Variants in PPT2 observed in about 807,000 individuals in gnomAD.
The protein encoded by PPT2 is lysosomal thioesterase PPT2.
PPT2 carries 20 observed loss-of-function variants against 37.3 expected under a neutral mutation model. The observed-to-expected ratio is 0.54, with a 90% CI of 0.38 to 0.78. The LOEUF (loss-of-function observed/expected upper bound fraction) is 0.78, where lower values mean the gene tolerates loss of function less well. PPT2 is among the 30% of genes least tolerant of loss of function. The pLI, the probability that PPT2 is intolerant of heterozygous loss-of-function variation, is 0.00. For synonymous variants in PPT2, 135 were observed against 159.1 expected (o/e 0.85, Z 1.14); for missense variants, 270 against 389.8 (o/e 0.69, Z 2.59).
chr6:32,154,396 T>C lies in PPT2; in HGVS notation c.-17T>C. On this transcript the variant is annotated 5_prime_UTR_variant, in exon 1 of 9. Transcript: ENST00000324816. The surrounding 1 kb of genome is among the most constrained non-coding windows in gnomAD (Gnocchi z 7.3). ...GCTGAGTTGGAGGCGGGACTTCGGG[T>C]GCGCGTTGGTGCGTCAACGTGGTGG... The C allele has an allele frequency of 7.0e-7, 1 of 1,436,640 alleles. No homozygotes were observed. The highest frequency in any genetic ancestry group is 9.1e-7 in the Non-Finnish European group (1 of 1,100,514). 89.0% of individuals were successfully genotyped at this position (1,436,640 alleles called of 1,614,324 possible). A position where few individuals can be genotyped will look rare whatever the true frequency, so the allele number is the denominator to read the frequency against.
chr6:32,158,160 C>A, intron 7 of PPT2: 1 of 449,992 alleles, frequency 2.2e-6, no homozygotes, highest in Non-Finnish European at 3.9e-6. Flanking sequence ...CCCTCCCCCA[C>A]TTTATAAAAA....
At position 32,155,624 on chromosome 6, in the gene PPT2, G is replaced by A. The variant is rs966900622; in HGVS notation, c.338-64G>A. 1.9e-6 allele frequency: 2 copies of A among 1,073,622 alleles called. No individual in the cohort carries two copies. Among genetic ancestry groups the A allele is most frequent in the Non-Finnish European group, 1.4e-6 (1 of 695,706 alleles). 66.5% of individuals were successfully genotyped at this position (1,073,622 alleles called of 1,614,324 possible). A position where few individuals can be genotyped will look rare whatever the true frequency, so the allele number is the denominator to read the frequency against. On this transcript the variant is annotated intron_variant, in intron 3 of 8. Coordinates refer to ENST00000324816, the MANE Select transcript of PPT2 (RefSeq NM_005155.7). The surrounding 1 kb of genome is among the most constrained non-coding windows in gnomAD (Gnocchi z 4.3). ...TGTGTGTGTGTGTGTGTGTGGTGGG[G>A]GTGGGGGGTGCTGCTGGCTTTGCTG...
intron 5 of PPT2, 75 bp from the exon 6 acceptor site, chr6:32,157,562 C>T (rs755566521): frequency 4.7e-6 from 6 of 1,266,132 alleles, no homozygotes; most frequent in Non-Finnish European, 6.9e-6. Flanking sequence ...ATTGCTGCAG[C>T]TTCCTTATTG....
chr6:32,155,849 AG>A lies in PPT2; in HGVS notation c.434-21del. The stretch of plus-strand genomic sequence containing the variant: ...GGGGAACAGAGGTTTATGGTCACTT[AG>A]CATTGCCATTCGCTTGCCAGACACG... On this transcript the variant is annotated intron_variant, in intron 4 of 8. Transcript: ENST00000324816. This position sits in a 1 kb window ranked among gnomAD's most constrained non-coding sequence, Gnocchi z 4.3. The A allele has an allele frequency of 6.2e-7, 1 of 1,611,850 alleles. No homozygotes were observed. The highest frequency in any genetic ancestry group is 2.2e-5 in the East Asian group (1 of 44,844).
intron 5 of PPT2, chr6:32,157,348 G>T: frequency 2.1e-6 from 1 of 482,070 alleles, no homozygotes; most frequent in Non-Finnish European, 3.8e-6. Context: ...GAGTAACTGG[G>T]ATTACAGGCA....
upstream of PPT2, chr6:32,153,653 G>T: frequency 1.2e-6 from 2 of 1,602,514 alleles, no homozygotes; most frequent in East Asian, 4.5e-5. The surrounding 1 kb of genome is among the most constrained non-coding windows in gnomAD (Gnocchi z 4.4). Flanking sequence ...CGCTGACCTG[G>T]GGCGGACTGG....
rs1206032486 is a variant in PPT2 at position 32,157,838 on chromosome 6, A to G, written c.626-2A>G. On this transcript the variant is annotated splice_acceptor_variant, in intron 6 of 8. Transcript: ENST00000324816. LOFTEE classifies it high-confidence loss of function. ...TCAGCCTCTCTTCTTCCCATCCTACAGTATGGCGGAAGAACTTTCTGCGTG... is the reference window on the plus strand; with the variant it reads ...TCAGCCTCTCTTCTTCCCATCCTACGGTATGGCGGAAGAACTTTCTGCGTG... The G allele has an allele frequency of 1.2e-6, 2 of 1,611,960 alleles. No homozygotes were observed. Among genetic ancestry groups the G allele is most frequent in the Non-Finnish European group, 1.7e-6 (2 of 1,179,056 alleles).
Position 32,162,839 on chromosome 6 carries a change from T to C in PPT2, c.798T>C (p.Thr266=), listed in dbSNP as rs1366582159. Residue 266 remains threonine (T), a synonymous_variant, in exon 9 of 9, where the codon ACT becomes ACC. Transcript: ENST00000324816. This position sits in a 1 kb window ranked among gnomAD's most constrained non-coding sequence, Gnocchi z 5.5. ...VYLRDSFGLK[T]LLARGAIVRC... ...TGCGGGATTCTTTTGGGTTGAAGAC[T>C]CTATTGGCCCGGGGGGCCATAGTGA... The C allele has an allele frequency of 6.2e-7, 1 of 1,613,944 alleles. No homozygotes were observed. The highest frequency in any genetic ancestry group is 2.2e-5 in the East Asian group (1 of 44,878).
Position 32,163,397 on chromosome 6 carries a change from C to T in PPT2, c.*447C>T, listed in dbSNP as rs1050862. On this transcript the variant is annotated 3_prime_UTR_variant, in exon 9 of 9. Transcript: ENST00000324816. ...CATGTTCCCTTTTTTCTCTAAAGTCCCCTGACATCAGCCCTCCCAACTCCT... is the reference window on the plus strand; with the variant it reads ...CATGTTCCCTTTTTTCTCTAAAGTCTCCTGACATCAGCCCTCCCAACTCCT... The T allele has an allele frequency of 0.014, 2,428 of 171,418 alleles. 49 individuals carry two copies. The highest frequency in any genetic ancestry group is 0.037 in the Admixed American group (665 of 18,048). 10.6% of individuals were successfully genotyped at this position (171,418 alleles called of 1,614,324 possible). A position where few individuals can be genotyped will look rare whatever the true frequency, so the allele number is the denominator to read the frequency against.
intron 7 of PPT2, among the ~76,000 whole-genome samples, chr6:32,160,937 G>A (rs541901857): frequency 1.7e-3 from 249 of 146,806 alleles, no homozygotes; most frequent in Non-Finnish European, 2.6e-3. Context: ...GCAGTGAGCC[G>A]AGATCTCACC....
chr6:32,154,087 C>T (rs983202708), upstream of PPT2: 62 of 1,089,106 alleles, frequency 5.7e-5, no homozygotes, highest in Middle Eastern at 2.5e-3. This position sits in a 1 kb window ranked among gnomAD's most constrained non-coding sequence, Gnocchi z 7.3. Context: ...GAGAAAGCCC[C>T]GGACGTGACG....
Position 32,154,827 on chromosome 6 carries a change from C to A in PPT2, c.183+50C>A, listed in dbSNP as rs752986997. 3 of 1,578,814 alleles carry A rather than the reference C, an allele frequency of 1.9e-6. No homozygotes were observed. Among genetic ancestry groups the A allele is most frequent in the South Asian group, 1.1e-5 (1 of 88,414 alleles). ...AGGGCGTTAGAGGCGTCTACTGTGGCAGGGGAGGGAGAGCGGGGAACTGAA... is the reference window on the plus strand; with the variant it reads ...AGGGCGTTAGAGGCGTCTACTGTGGAAGGGGAGGGAGAGCGGGGAACTGAA... On this transcript the variant is annotated intron_variant, in intron 2 of 8. Coordinates refer to ENST00000324816, the MANE Select transcript of PPT2 (RefSeq NM_005155.7). The surrounding 1 kb of genome is among the most constrained non-coding windows in gnomAD (Gnocchi z 7.3).
At position 32,157,649 on chromosome 6, in the gene PPT2, A is replaced by G; in HGVS notation, c.554A>G (p.Asp185Gly). Residue 185 changes from aspartate to glycine, a missense_variant, in exon 6 of 9, where the codon GAT (aspartate) becomes GGT (glycine). Coordinates refer to ENST00000324816, the MANE Select transcript of PPT2 (RefSeq NM_005155.7). ...TGTTTGTACCCAGATCCCCACCACG[A>G]TGACTTGTACCTCAATGCCAGCAGC... is the stretch of plus-strand genomic sequence containing the variant. ...ICNYWHDPHHDDLYLNASSFL... is the reference protein window; with the variant it reads ...ICNYWHDPHHGDLYLNASSFL... 1 of 1,597,678 alleles carries G rather than the reference A, an allele frequency of 6.3e-7. No homozygotes were observed. The highest frequency in any genetic ancestry group is 1.1e-5 in the South Asian group (1 of 90,680).
At chr6:32,159,500 G>A (rs1784011366) in intron 7 of PPT2, among the ~76,000 whole-genome samples, 1 of 143,928 alleles carries the variant, frequency 6.9e-6, no homozygotes, top group South Asian at 2.2e-4. Flanking sequence ...CGACAGTCCC[G>A]GTAACCAGGC....
chr6:32,161,653 T>C (rs1784167367), intron 7 of PPT2, among the ~76,000 whole-genome samples: 1 of 145,296 alleles, frequency 6.9e-6, no homozygotes, highest in Admixed American at 7.0e-5. Flanking sequence ...AGTGGCGCCA[T>C]CCCGGCTCAC....
chr6:32,154,317 G>T lies in PPT2; in HGVS notation c.-96G>T, dbSNP rs2127385255. 1 of 1,390,498 alleles carries T rather than the reference G, an allele frequency of 7.2e-7. No homozygotes were observed. The highest frequency in any genetic ancestry group is 9.3e-7 in the Non-Finnish European group (1 of 1,076,924). 86.1% of individuals were successfully genotyped at this position (1,390,498 alleles called of 1,614,324 possible). The stretch of plus-strand genomic sequence containing the variant: ...TATTAAAGAACTCCGCGTTGTTCAT[G>T]GCTGAGGCGATGCATTAGGAAGATC... On this transcript the variant is annotated 5_prime_UTR_variant, in exon 1 of 9. An upstream start codon of the reference 5' UTR is lost. Transcript: ENST00000324816. The surrounding 1 kb of genome is among the most constrained non-coding windows in gnomAD (Gnocchi z 7.3).
At chr6:32,159,798 T>G (rs1366791285) in intron 7 of PPT2, among the ~76,000 whole-genome samples, 2 of 151,580 alleles carry the variant, frequency 1.3e-5, no homozygotes, top group Non-Finnish European at 2.9e-5. Flanking sequence ...CTCGGCTCAC[T>G]GCAACCTCCG....
chr6:32,159,874 C>G (rs1050196517), intron 7 of PPT2, among the ~76,000 whole-genome samples: 4 of 151,776 alleles, frequency 2.6e-5, no homozygotes, highest in African/African-American at 9.7e-5. Flanking sequence ...GTGCCCACCA[C>G]CATGCCTGGC....
chr6:32,157,371 C>T (rs1472281784), intron 5 of PPT2: 4 of 522,574 alleles, frequency 7.7e-6, no homozygotes, highest in Non-Finnish European at 1.0e-5. Context: ...CACCACCACG[C>T]CTGGCTAACT....
Sources: allele counts gnomAD v4.1 joint callset (sites outside exome capture counted in the v4.1 genomes callset), GRCh38; gene constraint gnomAD v4.1.1; non-coding constraint Gnocchi (gnomAD v3.1); transcripts MANE v1.5; gene names NCBI Gene and HGNC (gene_info 2026-07-23, HGNC 2026-07-21).